Variants in DPP6 observed in about 807,000 individuals in gnomAD.
The protein encoded by DPP6 is dipeptidyl peptidase like 6, also known as A-type potassium channel modulatory protein DPP6.
Under a neutral mutation model 122.6 loss-of-function variants are expected in DPP6, and 69 were observed. The observed-to-expected ratio is 0.56, with a 90% confidence interval of 0.46 to 0.69. The LOEUF (loss-of-function observed/expected upper bound fraction) is 0.69. Ranked by LOEUF, DPP6 falls within the 30% of genes least tolerant of loss-of-function variation. The pLI, the probability that DPP6 is intolerant of heterozygous loss-of-function variation, is 0.00. For missense variants in DPP6, 928 were observed against 1,116.9 expected, an observed-to-expected ratio of 0.83 and a Z score of 2.41; for synonymous variants, 418 against 433.1, an observed-to-expected ratio of 0.97 and a Z score of 0.43.
chr7:153,864,338 G>A, the DPP6 span, among the ~76,000 whole-genome samples: 2 of 152,148 alleles, frequency 1.3e-5, no homozygotes, highest in Non-Finnish European at 2.9e-5. Context: ...AGAAAAACAA[G>A]AGTCAAACTT....
chr7:154,165,545 T>C (rs1455338225), intron 1 of DPP6, among the ~76,000 whole-genome samples: 1 of 151,428 alleles, frequency 6.6e-6, no homozygotes, highest in African/African-American at 2.4e-5. Context: ...CTGGGTCAAA[T>C]GGTATTTCTA....
At chr7:153,796,667 A>C in the DPP6 span, among the ~76,000 whole-genome samples, 1 of 152,178 alleles carries the variant, frequency 6.6e-6, no homozygotes, top group East Asian at 1.9e-4. Context: ...TACCAACCTG[A>C]TCTCTGGGGG....
At chr7:154,124,336 C>T (rs1034910702) in intron 1 of DPP6, among the ~76,000 whole-genome samples, 9 of 152,056 alleles carry the variant, frequency 5.9e-5, no homozygotes, top group Admixed American at 4.6e-4. Flanking sequence ...GGGTGGAGAG[C>T]GGGAGCAGGG....
chr7:154,010,665 T>G lies in DPP6; in HGVS notation c.51+122931T>G, dbSNP rs146340338. The stretch of plus-strand genomic sequence containing the variant: ...CAGAATGGTTCCCTTTTTAATTTAT[T>G]TATAGAAATGGGCTTTTGCTTTTAT... On this transcript the variant is annotated intron_variant, in intron 1 of 25. Coordinates refer to the DPP6 transcript ENST00000404039. 2.1e-3 allele frequency among the ~76,000 whole-genome samples: 321 copies of G among 152,334 alleles called. 3 individuals are homozygous for G. Among genetic ancestry groups the G allele is most frequent in the African/African-American group, 7.2e-3 (301 of 41,584 alleles).
At chr7:154,063,687 A>C (rs1296641442) in intron 1 of DPP6, among the ~76,000 whole-genome samples, 2 of 135,478 alleles carry the variant, frequency 1.5e-5, no homozygotes, top group African/African-American at 2.8e-5. Flanking sequence ...CAGCGGGGGG[A>C]GGCACCTCCC....
At chr7:154,026,726 C>T (rs1328400103) in intron 1 of DPP6, 1 of 151,550 alleles carries the variant, frequency 6.6e-6, no homozygotes, top group Non-Finnish European at 1.5e-5. Context: ...TATTTTATTC[C>T]TTTCTCAGTC....
intron 2 of DPP6, among the ~76,000 whole-genome samples, chr7:154,449,277 G>C (rs1336440794): frequency 2.0e-5 from 3 of 151,956 alleles, no homozygotes; most frequent in Admixed American, 6.6e-5. Flanking sequence ...GATTTAAAGA[G>C]ACATTTCTCC....
At chr7:154,225,693 A>G (rs1401429736) in intron 1 of DPP6, among the ~76,000 whole-genome samples, 2 of 151,948 alleles carry the variant, frequency 1.3e-5, no homozygotes, top group African/African-American at 2.4e-5. Context: ...CATTTTACCT[A>G]TTCTATCGAT....
chr7:153,872,048 C>T, the DPP6 span, among the ~76,000 whole-genome samples: 1 of 152,216 alleles, frequency 6.6e-6, no homozygotes, highest in South Asian at 2.1e-4. Flanking sequence ...GCCTTCAAAA[C>T]TCATGCTGTT....
chr7:153,882,292 G>A (rs1436021679), upstream of DPP6, among the ~76,000 whole-genome samples: 3 of 152,146 alleles, frequency 2.0e-5, no homozygotes, highest in South Asian at 4.1e-4. Flanking sequence ...ACATTTTAAA[G>A]AACATCAGTA....
intron 10 of DPP6, among the ~76,000 whole-genome samples, chr7:154,789,992 G>A (rs1185935084): frequency 6.6e-6 from 1 of 152,218 alleles, no homozygotes; most frequent in Non-Finnish European, 1.5e-5. Flanking sequence ...GAGGCCAGGA[G>A]TTCAAGACCA....
At chr7:154,588,062 C>T (rs769763674) in intron 5 of DPP6, 16 of 1,607,338 alleles carry the variant, frequency 1.0e-5, no homozygotes, top group African/African-American at 2.7e-5. Flanking sequence ...AGGCAGATTT[C>T]GGGCCAGAGA....
intron 1 of DPP6, among the ~76,000 whole-genome samples, chr7:153,893,298 A>G (rs1799283290): frequency 6.6e-6 from 1 of 152,202 alleles, no homozygotes; most frequent in Non-Finnish European, 1.5e-5. Flanking sequence ...CAGTAATCAC[A>G]ATACTGCTAA....
intron 16 of DPP6, among the ~76,000 whole-genome samples, chr7:154,851,881 C>T (rs1802411400): frequency 6.6e-6 from 1 of 152,176 alleles, no homozygotes; most frequent in East Asian, 1.9e-4. Context: ...GAAAAGGGCC[C>T]TGGACTCCTG....
At chr7:154,616,510 A>T (rs1393300586) in intron 5 of DPP6, among the ~76,000 whole-genome samples, 2 of 152,064 alleles carry the variant, frequency 1.3e-5, no homozygotes, top group Admixed American at 1.3e-4. Flanking sequence ...AAACACAGAG[A>T]GTTGCTGGTT....
chr7:154,749,061 G>A (rs914833167), intron 8 of DPP6, among the ~76,000 whole-genome samples: 31 of 151,362 alleles, frequency 2.0e-4, no homozygotes, highest in Non-Finnish European at 3.5e-4. Context: ...GGGTGAGGGA[G>A]CATAGGATGG....
At chr7:153,921,129 G>T (rs1466441431) in intron 1 of DPP6, among the ~76,000 whole-genome samples, 1 of 152,246 alleles carries the variant, frequency 6.6e-6, no homozygotes, top group African/African-American at 2.4e-5. Flanking sequence ...ACTTGTGGCT[G>T]TGTCTCTCTT....
chr7:154,444,403 T>G (rs1467419723), intron 1 of DPP6, among the ~76,000 whole-genome samples: 1 of 151,936 alleles, frequency 6.6e-6, no homozygotes, highest in Non-Finnish European at 1.5e-5. Context: ...AGGCAGAGCT[T>G]GCAGTGAGCC....
Position 153,920,195 on chromosome 7 carries a change from C to T in DPP6, c.51+32461C>T, listed in dbSNP as rs553703506. On this transcript the variant is annotated intron_variant, in intron 1 of 25. Coordinates refer to the DPP6 transcript ENST00000404039. ...TGTAGATTGCTGATAATTAGCTTCCCTGAAAGTCGAGGGGGTGACCTGCAG... is the reference window on the plus strand; with the variant it reads ...TGTAGATTGCTGATAATTAGCTTCCTTGAAAGTCGAGGGGGTGACCTGCAG... 8.3e-5 allele frequency among the ~76,000 whole-genome samples: 8 copies of T among 96,932 alleles called. No individual in the cohort carries two copies. The East Asian group carries it at 3.5e-3, about 42-fold the overall frequency. The allele number at this position is 96,932 out of a possible 152,430, so 63.6% of individuals were successfully genotyped here.
Sources: allele counts gnomAD v4.1 joint callset (sites outside exome capture counted in the v4.1 genomes callset), GRCh38; gene constraint gnomAD v4.1.1; transcripts MANE v1.5; gene names NCBI Gene and HGNC (gene_info 2026-07-23, HGNC 2026-07-21).